FAM174A: variants seen among roughly 807,000 people sequenced by gnomAD.
The protein encoded by FAM174A is membrane protein FAM174A.
In FAM174A, 14 loss-of-function variants were observed where a neutral mutation model predicts 14.3. The observed-to-expected ratio is 0.98, with a 90% CI of 0.65 to 1.53. The LOEUF is 1.53. Ranked by LOEUF, FAM174A falls within the 40% of genes most tolerant of loss-of-function variation. The pLI is 0.00. For missense variants in FAM174A, 241 were observed against 249.6 expected, an observed-to-expected ratio of 0.97 and a Z score of 0.23; for synonymous variants, 108 against 111.4, an observed-to-expected ratio of 0.97 and a Z score of 0.19.
intron 1 of FAM174A, among the ~76,000 whole-genome samples, chr5:100,536,664 G>A (rs569849336): frequency 2.0e-5 from 3 of 152,286 alleles, no homozygotes; most frequent in Non-Finnish European, 2.9e-5. Flanking sequence ...GTGAGGGAAA[G>A]CTGTCTAGCA....
At chr5:100,539,450 A>C (rs1484747099) in intron 1 of FAM174A, among the ~76,000 whole-genome samples, 1 of 152,186 alleles carries the variant, frequency 6.6e-6, no homozygotes, top group Non-Finnish European at 1.5e-5. Flanking sequence ...GCTAAGACAC[A>C]ACGTTAGGTT....
chr5:100,581,967 CTT>C (rs1402180886), intron 2 of FAM174A, among the ~76,000 whole-genome samples: 3 of 152,074 alleles, frequency 2.0e-5, no homozygotes, highest in Non-Finnish European at 2.9e-5. Context: ...TTAAGAGACT[CTT>C]TATGTGGTAG....
At chr5:100,582,670 G>T (rs934405707) in intron 2 of FAM174A, among the ~76,000 whole-genome samples, 8 of 151,966 alleles carry the variant, frequency 5.3e-5, no homozygotes, top group Non-Finnish European at 1.0e-4. Flanking sequence ...GAGTAAATGG[G>T]CAAACTTGCC....
At chr5:100,568,005 C>T (rs1746700401) in intron 2 of FAM174A, among the ~76,000 whole-genome samples, 1 of 151,952 alleles carries the variant, frequency 6.6e-6, no homozygotes, top group Admixed American at 6.6e-5. Context: ...CAATTCTTGC[C>T]TGATCTAATC....
chr5:100,567,042 AAGGTATTAATTACCTTCCT>A (rs1258848447), intron 2 of FAM174A, among the ~76,000 whole-genome samples: 10 of 151,782 alleles, frequency 6.6e-5, no homozygotes, highest in Non-Finnish European at 1.2e-4. Flanking sequence ...GCAGCTTTGG[AAGGTATTAATTACCTTCCT>A]TAATTACCAT....
intron 1 of FAM174A, among the ~76,000 whole-genome samples, chr5:100,536,897 G>T (rs572359279): frequency 6.6e-6 from 1 of 152,314 alleles, no homozygotes; most frequent in East Asian, 1.9e-4. Flanking sequence ...GTAAGCCAGT[G>T]GTTCTTGACA....
At chr5:100,582,376 G>A (rs752430223) in intron 2 of FAM174A, among the ~76,000 whole-genome samples, 1 of 151,922 alleles carries the variant, frequency 6.6e-6, no homozygotes, top group African/African-American at 2.4e-5. Context: ...AGATGAAAAA[G>A]AGCATTATTC....
chr5:100,536,608 A>G (rs894463179), intron 1 of FAM174A, among the ~76,000 whole-genome samples: 10 of 152,180 alleles, frequency 6.6e-5, no homozygotes, highest in African/African-American at 2.4e-4. Context: ...GAGTTGACAT[A>G]CAGAGCCAAG....
At chr5:100,576,764 A>G (rs1746913848) in intron 2 of FAM174A, among the ~76,000 whole-genome samples, 2 of 152,184 alleles carry the variant, frequency 1.3e-5, no homozygotes, top group African/African-American at 4.8e-5. Flanking sequence ...GCTGCTTAAT[A>G]TAACTTTTCT....
intron 1 of FAM174A, among the ~76,000 whole-genome samples, chr5:100,541,055 G>A (rs981138974): frequency 4.6e-5 from 7 of 152,162 alleles, no homozygotes; most frequent in African/African-American, 1.7e-4. Flanking sequence ...GCTGAATGTG[G>A]ACTATGTAAA....
intron 2 of FAM174A, among the ~76,000 whole-genome samples, chr5:100,568,947 A>G (rs1416042802): frequency 6.7e-6 from 1 of 148,682 alleles, no homozygotes; most frequent in East Asian, 1.9e-4. Flanking sequence ...TTTTTATTTT[A>G]TTTTATAAGG....
At chr5:100,540,381 A>C (rs1746025235) in intron 1 of FAM174A, among the ~76,000 whole-genome samples, 1 of 152,054 alleles carries the variant, frequency 6.6e-6, no homozygotes. Flanking sequence ...GTGCACAAGG[A>C]AAGTCCCTGC....
chr5:100,568,368 G>C (rs1396423088), intron 2 of FAM174A, among the ~76,000 whole-genome samples: 2 of 151,744 alleles, frequency 1.3e-5, no homozygotes, highest in Non-Finnish European at 2.9e-5. Flanking sequence ...TAGAGCCCTG[G>C]TTTCTTTGAA....
chr5:100,562,823 A>C (rs983266290), intron 2 of FAM174A, among the ~76,000 whole-genome samples: 1 of 151,802 alleles, frequency 6.6e-6, no homozygotes, highest in Non-Finnish European at 1.5e-5. Flanking sequence ...CTTTCCTAAG[A>C]GGTTTAGATA....
rs1747127134 is a variant in FAM174A at position 100,586,413 on chromosome 5, T to G, written c.*229T>G. The G allele has an allele frequency of 3.5e-6, 1 of 287,650 alleles. No homozygotes were observed. The highest frequency in any genetic ancestry group is 6.5e-6 in the Non-Finnish European group (1 of 153,436). 17.8% of individuals were successfully genotyped at this position (287,650 alleles called of 1,614,324 possible). Reference sequence around the variant, plus strand: ...CAGAGATGTTGGGGATAAAGTATACTGTAATAATTTATCTGTTTGAAAATT... The same window carrying G: ...CAGAGATGTTGGGGATAAAGTATACGGTAATAATTTATCTGTTTGAAAATT... On this transcript the variant is annotated 3_prime_UTR_variant, in exon 3 of 3. Transcript: ENST00000312637.
chr5:100,536,726 G>GT (rs1745949235), intron 1 of FAM174A, among the ~76,000 whole-genome samples: 1 of 152,024 alleles, frequency 6.6e-6, no homozygotes. Flanking sequence ...GCTTATGTTT[G>GT]TTTATTGTTT....
chr5:100,539,472 C>T lies in FAM174A; in HGVS notation c.434+3508C>T, dbSNP rs773082281. Reference sequence around the variant, plus strand: ...CACAACGTTAGGTTTTTTCAAAGAACCATACTTTGTAACTGAAAGATTATT... The same window carrying T: ...CACAACGTTAGGTTTTTTCAAAGAATCATACTTTGTAACTGAAAGATTATT... On this transcript the variant is annotated intron_variant, in intron 1 of 2. Coordinates refer to ENST00000312637, the MANE Select transcript of FAM174A (RefSeq NM_198507.3). 1.6e-3 allele frequency among the ~76,000 whole-genome samples: 247 copies of T among 152,190 alleles called. 1 individual carries two copies. Among genetic ancestry groups the T allele is most frequent in the South Asian group, 2.1e-3 (10 of 4,822 alleles).
intron 1 of FAM174A, among the ~76,000 whole-genome samples, chr5:100,544,745 A>T (rs969620761): frequency 2.0e-5 from 3 of 152,222 alleles, no homozygotes; most frequent in Non-Finnish European, 4.4e-5. Context: ...TGTATATCTA[A>T]CATGACTGCA....
chr5:100,578,581 T>G (rs547195777), intron 2 of FAM174A, among the ~76,000 whole-genome samples: 4 of 152,160 alleles, frequency 2.6e-5, no homozygotes, highest in Admixed American at 6.5e-5. Flanking sequence ...TTTTTTGTCC[T>G]TCTGAAATAT....
Sources: allele counts gnomAD v4.1 joint callset (sites outside exome capture counted in the v4.1 genomes callset), GRCh38; gene constraint gnomAD v4.1.1; transcripts MANE v1.5; gene names NCBI Gene and HGNC (gene_info 2026-07-23, HGNC 2026-07-21).